The following MEI4 variants were observed in gnomAD, a reference collection of about 807,000 sequenced individuals.
The protein encoded by MEI4 is meiosis-specific protein MEI4.
MEI4 carries 27 observed loss-of-function variants against 31.4 expected under a neutral mutation model. That is an observed-to-expected ratio of 0.86 (90% CI 0.63 to 1.19). The LOEUF (loss-of-function observed/expected upper bound fraction) is 1.19. Among genes scored for constraint, MEI4 ranks in the 50% most tolerant of loss-of-function variants. The pLI is 0.00. For missense variants in MEI4, 329 were observed against 398.9 expected, an observed-to-expected ratio of 0.82 and a Z score of 1.49; for synonymous variants, 122 against 145.4, an observed-to-expected ratio of 0.84 and a Z score of 1.16.
chr6:77,761,321 A>G lies in MEI4; in HGVS notation c.424A>G (p.Ile142Val), dbSNP rs1245811952. ...GCCTCTTGTGAAAAGACCTTGTGCT[A>G]TCCTGCAAAATCCTTTGTCTTCTCA... ...PLPLVKRPCA[I>V]LQNPLSSHMQ... The change falls in exon 3 of 5, where the codon ATC becomes GTC. Residue 142 changes from isoleucine (I) to valine (V), a missense_variant. By Grantham distance (29) the Ile-to-Val change is conservative. Coordinates refer to ENST00000684080, the MANE Select transcript of MEI4 (RefSeq NM_001322247.2). The G allele has an allele frequency of 4.1e-5, 51 of 1,232,508 alleles. No individual in the cohort carries two copies. The highest frequency in any genetic ancestry group is 1.7e-4 in the Admixed American group (4 of 23,696). The allele number at this position is 1,232,508 out of a possible 1,614,324, so 76.3% of individuals were successfully genotyped here. A position where few individuals can be genotyped will look rare whatever the true frequency, so the allele number is the denominator to read the frequency against.
intron 4 of MEI4, among the ~76,000 whole-genome samples, chr6:77,890,395 T>A (rs921562163): frequency 6.6e-6 from 1 of 152,222 alleles, no homozygotes; most frequent in African/African-American, 2.4e-5. Context: ...CGGATTTGCA[T>A]GGGGCCTGTA....
upstream of MEI4, among the ~76,000 whole-genome samples, chr6:77,652,132 A>G (rs1451924402): frequency 1.3e-5 from 2 of 152,244 alleles, no homozygotes; most frequent in Admixed American, 1.3e-4. Context: ...GTCACTTAGG[A>G]GCATTGTTGA....
intron 4 of MEI4, among the ~76,000 whole-genome samples, chr6:77,838,218 G>A (rs1402979609): frequency 6.6e-6 from 1 of 152,014 alleles, no homozygotes; most frequent in Non-Finnish European, 1.5e-5. Context: ...ACCATCTTCT[G>A]TGGAAGACAG....
chr6:77,688,020 A>G (rs544512524), intron 1 of MEI4, among the ~76,000 whole-genome samples: 2 of 152,196 alleles, frequency 1.3e-5, no homozygotes, highest in African/African-American at 4.8e-5. Flanking sequence ...GAAGCTTTCT[A>G]GGGGCCTGCC....
rs561972007 is a variant in MEI4, at chr6:77,924,564, C to CTT, written c.*1219_*1220dup. 17 of 151,934 alleles carry CTT rather than the reference C, an allele frequency of 1.1e-4. 1 individual carries two copies. The South Asian group carries it at 3.5e-3, about 32-fold the overall frequency. 9.4% of individuals were successfully genotyped at this position (151,934 alleles called of 1,614,324 possible). A position where few individuals can be genotyped will look rare whatever the true frequency, so the allele number is the denominator to read the frequency against. On this transcript the variant is annotated 3_prime_UTR_variant, in exon 5 of 5. Coordinates refer to ENST00000684080, the MANE Select transcript of MEI4 (RefSeq NM_001322247.2). ...CAAGGATCAGCTGATTTGGACTGGA[C>CTT]TTGACTTTAATGAAAAGCTCTGCTG... is the stretch of plus-strand genomic sequence containing the variant.
At position 77,804,709 on chromosome 6, in the gene MEI4, C is replaced by G. The variant is rs866538528; in HGVS notation, c.769-24222C>G. Among the ~76,000 whole-genome samples the G allele has an allele frequency of 6.8e-4, 104 of 152,142 alleles. No individual in the cohort carries two copies. The Middle Eastern group carries it at 0.017, about 25-fold the overall frequency. On this transcript the variant is annotated intron_variant, in intron 3 of 4. Transcript: ENST00000684080. Reference sequence around the variant, plus strand: ...AGTATACTGATATCCAGGATCTTTCCCAGAAAAATGAAAATATCTACGTGA... The same window carrying G: ...AGTATACTGATATCCAGGATCTTTCGCAGAAAAATGAAAATATCTACGTGA...
intron 3 of MEI4, among the ~76,000 whole-genome samples, chr6:77,819,637 A>G (rs1769769686): frequency 6.6e-6 from 1 of 152,210 alleles, no homozygotes; most frequent in South Asian, 2.1e-4. Context: ...TCTATGATGT[A>G]GAAAATACTT....
chr6:77,862,218 G>T (rs1408560125), intron 4 of MEI4, among the ~76,000 whole-genome samples: 1 of 152,150 alleles, frequency 6.6e-6, no homozygotes, highest in Admixed American at 6.5e-5. Context: ...CAGAAAGTGG[G>T]TGCAGGGTGC....
At chr6:77,663,639 A>G (rs1303106166) in intron 1 of MEI4, among the ~76,000 whole-genome samples, 2 of 152,194 alleles carry the variant, frequency 1.3e-5, no homozygotes, top group Non-Finnish European at 2.9e-5. Flanking sequence ...CTGGCTGTCA[A>G]TACCCACAAC....
intron 2 of MEI4, among the ~76,000 whole-genome samples, chr6:77,696,507 C>A (rs1766049233): frequency 6.6e-6 from 1 of 151,944 alleles, no homozygotes; most frequent in Non-Finnish European, 1.5e-5. Flanking sequence ...GTCTTTTCTG[C>A]ATCTATTGAG....
chr6:77,690,469 T>C (rs1246375194), intron 1 of MEI4, among the ~76,000 whole-genome samples, 189 bp from the exon 2 acceptor site: 1 of 152,140 alleles, frequency 6.6e-6, no homozygotes, highest in Non-Finnish European at 1.5e-5. Flanking sequence ...TATGCATGTG[T>C]GTGTATTTTT....
chr6:77,796,087 T>C (rs957661043), intron 3 of MEI4, among the ~76,000 whole-genome samples: 6 of 152,170 alleles, frequency 3.9e-5, no homozygotes, highest in Non-Finnish European at 8.8e-5. Context: ...GGGGTGAAAG[T>C]ATGATTTCAT....
intron 1 of MEI4, among the ~76,000 whole-genome samples, chr6:77,663,835 G>A (rs1768563505): frequency 6.6e-6 from 1 of 152,146 alleles, no homozygotes; most frequent in African/African-American, 2.4e-5. Flanking sequence ...GCTAAGCCGA[G>A]AAGATCTGGG....
chr6:77,889,514 C>T (rs181124387), intron 4 of MEI4, among the ~76,000 whole-genome samples: 1 of 152,252 alleles, frequency 6.6e-6, no homozygotes, highest in Non-Finnish European at 1.5e-5. Flanking sequence ...AGCAGCAAAT[C>T]ATTCAAGAGG....
intron 2 of MEI4, among the ~76,000 whole-genome samples, chr6:77,753,495 A>G (rs1243809443): frequency 6.6e-6 from 1 of 152,244 alleles, no homozygotes; most frequent in Non-Finnish European, 1.5e-5. Flanking sequence ...CAAACGTATG[A>G]AAAAAAGCTC....
chr6:77,665,697 T>A (rs940836769), intron 1 of MEI4, among the ~76,000 whole-genome samples: 3 of 151,890 alleles, frequency 2.0e-5, no homozygotes, highest in African/African-American at 7.3e-5. Flanking sequence ...GGCGCCGGAG[T>A]TTTGGGTCCA....
chr6:77,702,147 T>TA (rs1359439846), intron 2 of MEI4, among the ~76,000 whole-genome samples: 1 of 152,180 alleles, frequency 6.6e-6, no homozygotes, highest in East Asian at 1.9e-4. Context: ...GAGCTTGCCT[T>TA]AGTCTTCTGA....
chr6:77,732,905 G>C (rs1417113674), intron 2 of MEI4, among the ~76,000 whole-genome samples: 2 of 151,282 alleles, frequency 1.3e-5, no homozygotes, highest in Non-Finnish European at 2.9e-5. Context: ...TTTGTCTTTG[G>C]TTCTGTTTAT....
At chr6:77,859,581 T>G (rs1173116686) in intron 4 of MEI4, among the ~76,000 whole-genome samples, 1 of 152,224 alleles carries the variant, frequency 6.6e-6, no homozygotes, top group Admixed American at 6.5e-5. Flanking sequence ...AGATGGTATC[T>G]CATTGTGGTT....
Sources: gnomAD v4.1 joint callset for allele counts (sites outside exome capture counted in the v4.1 genomes callset) on GRCh38, gnomAD v4.1.1 for gene constraint, MANE v1.5 for transcripts, NCBI Gene and HGNC (gene_info 2026-07-23, HGNC 2026-07-21) for gene names.